Variants in ADGRG2 observed in about 807,000 individuals in gnomAD.
The protein encoded by ADGRG2 is G protein-coupled receptor 64.
In ADGRG2, 26 loss-of-function variants were observed where a neutral mutation model predicts 74.1. The observed-to-expected ratio is 0.35, with a 90% CI of 0.26 to 0.49. ADGRG2 has a LOEUF of 0.49. Ranked by LOEUF, ADGRG2 falls within the 20% of genes least tolerant of loss-of-function variation. The pLI, the probability that ADGRG2 is intolerant of heterozygous loss-of-function variation, is 0.99. For missense variants in ADGRG2, 619 were observed against 763.1 expected, an observed-to-expected ratio of 0.81 and a Z score of 2.22; for synonymous variants, 296 against 295.2, an observed-to-expected ratio of 1.00 and a Z score of -0.03.
At chrX:19,073,278 A>G (rs1160284982) in intron 2 of ADGRG2, among the ~76,000 whole-genome samples, 1 of 112,715 alleles carries the variant, frequency 8.9e-6, no homozygotes, top group East Asian at 2.8e-4. Context: ...CAGGTCATCA[A>G]CAAAGAGGAT....
At chrX:19,052,412 A>T (rs779482298) in intron 3 of ADGRG2, among the ~76,000 whole-genome samples, 3 of 111,487 alleles carry the variant, frequency 2.7e-5, no homozygotes, top group Non-Finnish European at 5.7e-5. Flanking sequence ...ATGGTGGCCA[A>T]GCTACAGTCC....
chrX:19,088,012 T>C (rs1458243463), intron 1 of ADGRG2, among the ~76,000 whole-genome samples: 2 of 110,876 alleles, frequency 1.8e-5, no homozygotes, highest in Admixed American at 9.6e-5. Flanking sequence ...AGCCTCACCT[T>C]CAAATGACTC....
At chrX:19,080,950 T>G (rs1705975114) in intron 2 of ADGRG2, among the ~76,000 whole-genome samples, 1 of 109,638 alleles carries the variant, frequency 9.1e-6, no homozygotes, top group Admixed American at 9.9e-5. Flanking sequence ...TTCATCTAGT[T>G]GACGAATGTT....
At chrX:19,027,730 G>A (rs191343675) in intron 10 of ADGRG2, among the ~76,000 whole-genome samples, 1 of 112,408 alleles carries the variant, frequency 8.9e-6, no homozygotes, top group Admixed American at 9.5e-5. Context: ...TAGGTGCTCA[G>A]AAATAGTCAT....
intron 28 of ADGRG2, among the ~76,000 whole-genome samples, chrX:18,994,593 G>A (rs773114149): frequency 8.9e-6 from 1 of 112,031 alleles, no homozygotes; most frequent in South Asian, 3.7e-4. Flanking sequence ...CACAGAAATA[G>A]CACAATACTG....
Position 18,991,062 on chromosome X carries a change from C to A in ADGRG2, c.2870-14G>T. On this transcript the variant is annotated splice_polypyrimidine_tract_variant and intron_variant, in intron 28 of 28. Coordinates refer to ENST00000379869, the MANE Select transcript of ADGRG2 (RefSeq NM_001079858.3). ...TAGAAGCATTTCCTGTATAAGGAAA[C>A]ACAAAGCGGGTGGCATGAAGTATCC... The A allele has an allele frequency of 1.8e-6, 2 of 1,089,294 alleles. No homozygotes were observed. Among genetic ancestry groups the A allele is most frequent in the Non-Finnish European group, 2.5e-6 (2 of 811,483 alleles). The allele number at this position is 1,089,294 out of a possible 1,213,427, so 89.8% of individuals were successfully genotyped here.
intron 3 of ADGRG2, among the ~76,000 whole-genome samples, chrX:19,062,599 G>A (rs1215671413): frequency 9.0e-6 from 1 of 111,517 alleles, no homozygotes; most frequent in Non-Finnish European, 1.9e-5. Flanking sequence ...ACCAGGACAG[G>A]GTCTGGTATT....
Position 19,008,022 on chromosome X carries a change from G to A in ADGRG2, c.1524C>T (p.Ser508=), listed in dbSNP as rs2060272495. 1 of 1,200,885 alleles carries A rather than the reference G, an allele frequency of 8.3e-7. No homozygotes were observed. Among genetic ancestry groups the A allele is most frequent in the Admixed American group, 2.2e-5 (1 of 45,487 alleles). ...NLPAHDMELA[S]RVQFNFFETP... ...TTTCAAAAAAATTGAACTGAACCCT[G>A]GAAGCTAGCTCCATGTCATGAGCTG... The change falls in exon 19 of 29, where the codon TCC becomes TCT. Residue 508 remains serine (S), a synonymous_variant. Transcript: ENST00000379869.
intron 3 of ADGRG2, among the ~76,000 whole-genome samples, chrX:19,057,000 T>C (rs990790198): frequency 9.0e-6 from 1 of 111,488 alleles, no homozygotes; most frequent in Admixed American, 9.7e-5. Context: ...AATGAAATTA[T>C]ATTACATTTA....
At chrX:19,081,234 C>T (rs940176952) in intron 2 of ADGRG2, among the ~76,000 whole-genome samples, 3 of 111,702 alleles carry the variant, frequency 2.7e-5, no homozygotes, top group African/African-American at 9.8e-5. Context: ...CACCTCACCC[C>T]CACACCCACA....
At chrX:19,016,481 T>G (rs902522468) in intron 15 of ADGRG2, among the ~76,000 whole-genome samples, 1 of 111,178 alleles carries the variant, frequency 9.0e-6, no homozygotes, top group African/African-American at 3.3e-5. Context: ...CCTACACCAG[T>G]CTCTGAGGGT....
intron 1 of ADGRG2, among the ~76,000 whole-genome samples, chrX:19,121,257 G>C (rs2062604497): frequency 9.0e-6 from 1 of 111,534 alleles, no homozygotes; most frequent in Non-Finnish European, 1.9e-5. Context: ...GTAACCTCAA[G>C]ATAATCTACA....
intron 1 of ADGRG2, among the ~76,000 whole-genome samples, chrX:19,122,169 C>G (rs893416825): frequency 8.9e-6 from 1 of 112,763 alleles, no homozygotes; most frequent in Non-Finnish European, 1.9e-5. Context: ...ACGCGCGTCT[C>G]CCCTTGGAGC....
At chrX:19,095,971 A>C (rs1382857247) in intron 1 of ADGRG2, among the ~76,000 whole-genome samples, 1 of 111,696 alleles carries the variant, frequency 9.0e-6, no homozygotes, top group Non-Finnish European at 1.9e-5. Flanking sequence ...GTGAACAAAG[A>C]CTGTGCCACT....
At chrX:19,113,772 C>T (rs1400407125) in intron 1 of ADGRG2, among the ~76,000 whole-genome samples, 1 of 111,519 alleles carries the variant, frequency 9.0e-6, no homozygotes, top group Admixed American at 9.5e-5. Context: ...AAATTATTTC[C>T]AAATAAAACG....
intron 1 of ADGRG2, among the ~76,000 whole-genome samples, chrX:19,101,025 A>G (rs2062178729): frequency 8.9e-6 from 1 of 112,117 alleles, no homozygotes. Context: ...GTTAAAATCT[A>G]AAGGAATTAT....
At chrX:19,122,388 G>A (rs2062625324) in intron 1 of ADGRG2, 54 bp downstream of exon 1, 1 of 112,245 alleles carries the variant, frequency 8.9e-6, no homozygotes, top group Non-Finnish European at 1.9e-5. Context: ...GGCTGTGCGA[G>A]TCTGGGTCTC....
At chrX:18,998,600 C>CT (rs768424519) in intron 26 of ADGRG2, among the ~76,000 whole-genome samples, 1,923 of 81,135 alleles carry the variant, frequency 0.024, 57 homozygotes, top group African/African-American at 0.061. Flanking sequence ...ACAGATAGTA[C>CT]TTTTTTTTTT....
In ADGRG2 at chrX:18,990,760, C is replaced by T. The variant is rs189830212; in HGVS notation, c.*104G>A. 9 of 566,065 alleles carry T rather than the reference C, an allele frequency of 1.6e-5. No individual in the cohort carries two copies. Among genetic ancestry groups the T allele is most frequent in the African/African-American group, 2.3e-5 (1 of 42,917 alleles). 46.7% of individuals were successfully genotyped at this position (566,065 alleles called of 1,213,427 possible). A position where few individuals can be genotyped will look rare whatever the true frequency, so the allele number is the denominator to read the frequency against. On this transcript the variant is annotated 3_prime_UTR_variant, in exon 29 of 29. Transcript: ENST00000379869. Reference sequence around the variant, plus strand: ...TAGCTTATGCTTCTCCAGATGTTGCCGAGAATAAAATGAGTTGATTTTCAT... The same window carrying T: ...TAGCTTATGCTTCTCCAGATGTTGCTGAGAATAAAATGAGTTGATTTTCAT...
Sources: allele counts gnomAD v4.1 joint callset (sites outside exome capture counted in the v4.1 genomes callset), GRCh38; gene constraint gnomAD v4.1.1; transcripts MANE v1.5; gene names NCBI Gene and HGNC (gene_info 2026-07-23, HGNC 2026-07-21).